The following ENTREP2 variants were observed in gnomAD, a reference collection of about 807,000 sequenced individuals.
ENTREP2 encodes the protein endosomal transmembrane epsin interactor 2, also known as protein ENTREP2.
the ENTREP2 span, among the ~76,000 whole-genome samples, chr15:29,593,881 C>A: frequency 6.6e-6 from 1 of 152,014 alleles, no homozygotes; most frequent in Non-Finnish European, 1.5e-5. Context: ...GCAAATGTGG[C>A]AGAATTGCAT....
chr15:29,455,669 C>A, the ENTREP2 span, among the ~76,000 whole-genome samples: 52 of 152,302 alleles, frequency 3.4e-4, no homozygotes, highest in African/African-American at 1.0e-3. Context: ...CCCCAGGCCA[C>A]CGACCAGTAT....
chr15:29,580,164 G>C, the ENTREP2 span, among the ~76,000 whole-genome samples: 1 of 152,008 alleles, frequency 6.6e-6, no homozygotes, highest in South Asian at 2.1e-4. Flanking sequence ...TGGTTTCTAA[G>C]CTTCTGGACA....
the ENTREP2 span, among the ~76,000 whole-genome samples, chr15:29,556,042 C>A: frequency 1.5e-4 from 23 of 152,136 alleles, no homozygotes; most frequent in African/African-American, 5.6e-4. Flanking sequence ...TCGCTTGAGC[C>A]CAGGAGTTTG....
chr15:29,585,628 C>T, the ENTREP2 span, among the ~76,000 whole-genome samples: 3 of 150,894 alleles, frequency 2.0e-5, no homozygotes, highest in East Asian at 2.0e-4. Context: ...AGGCCGAGGC[C>T]GGCAGATCAC....
the ENTREP2 span, among the ~76,000 whole-genome samples, chr15:29,611,666 C>G: frequency 2.6e-5 from 4 of 152,092 alleles, no homozygotes; most frequent in African/African-American, 9.7e-5. Flanking sequence ...CCCGATTTTC[C>G]TTCCAGTGTC....
chr15:29,410,778 C>T, the ENTREP2 span, among the ~76,000 whole-genome samples: 522 of 152,274 alleles, frequency 3.4e-3, 2 homozygotes, highest in Non-Finnish European at 5.5e-3. Context: ...TTTCGTTAGA[C>T]CACAGAACTT....
the ENTREP2 span, among the ~76,000 whole-genome samples, chr15:29,631,543 T>C: frequency 2.6e-5 from 4 of 152,244 alleles, no homozygotes; most frequent in Admixed American, 2.6e-4. Flanking sequence ...AATGCGTATG[T>C]ACATCTGCAT....
chr15:29,360,479 T>G, the ENTREP2 span, among the ~76,000 whole-genome samples: 4 of 152,230 alleles, frequency 2.6e-5, no homozygotes, highest in Non-Finnish European at 5.9e-5. Flanking sequence ...CTCCATTTCC[T>G]GTGAACTATA....
At chr15:29,292,436 A>AATGGC in the ENTREP2 span, among the ~76,000 whole-genome samples, 2,417 of 151,802 alleles carry the variant, frequency 0.016, 39 homozygotes, top group South Asian at 0.065. Flanking sequence ...GATGGAGTAC[A>AATGGC]ATGGCACGGT....
chr15:29,248,522 A>G, the ENTREP2 span, among the ~76,000 whole-genome samples: 1 of 152,166 alleles, frequency 6.6e-6, no homozygotes, highest in Non-Finnish European at 1.5e-5. Context: ...AACTGAGTAC[A>G]GAACACATAC....
the ENTREP2 span, among the ~76,000 whole-genome samples, chr15:29,306,640 A>G: frequency 6.8e-6 from 1 of 146,746 alleles, no homozygotes; most frequent in African/African-American, 2.5e-5. Flanking sequence ...AGTGTATCTA[A>G]GATATACTGA....
the ENTREP2 span, among the ~76,000 whole-genome samples, chr15:29,239,796 G>A: frequency 1.3e-5 from 2 of 152,240 alleles, no homozygotes; most frequent in South Asian, 2.1e-4. Context: ...GGCCAGCAAG[G>A]AAGAGCTCAC....
chr15:29,471,507 G>A, the ENTREP2 span, among the ~76,000 whole-genome samples: 2 of 152,068 alleles, frequency 1.3e-5, no homozygotes, highest in South Asian at 2.1e-4. Context: ...ATAACAGAGA[G>A]GCAGAACAGC....
the ENTREP2 span, among the ~76,000 whole-genome samples, chr15:29,462,154 A>G: frequency 7.2e-5 from 11 of 152,182 alleles, 1 homozygote; most frequent in African/African-American, 2.4e-4. Context: ...TCTTCCATCA[A>G]TGGACGCTTG....
chr15:29,651,411 G>A, the ENTREP2 span, among the ~76,000 whole-genome samples: 11 of 152,172 alleles, frequency 7.2e-5, no homozygotes, highest in South Asian at 2.1e-4. Context: ...TAGCAGAAGC[G>A]GCCCATCTAG....
chr15:29,338,722 A>G, the ENTREP2 span, among the ~76,000 whole-genome samples: 2 of 152,152 alleles, frequency 1.3e-5, no homozygotes, highest in Admixed American at 6.5e-5. Flanking sequence ...TTCAACACTC[A>G]TGAGGAGGGA....
At chr15:29,207,358 C>T in the ENTREP2 span, among the ~76,000 whole-genome samples, 328 of 146,414 alleles carry the variant, frequency 2.2e-3, no homozygotes, top group Middle Eastern at 0.029. Flanking sequence ...AAAGATTGCA[C>T]GAACCCAAAG....
At chr15:29,650,784 G>T in the ENTREP2 span, among the ~76,000 whole-genome samples, 224 of 152,112 alleles carry the variant, frequency 1.5e-3, no homozygotes, top group South Asian at 0.017. Context: ...TGAGGCAGGA[G>T]GATTGCTTGA....
At chr15:29,464,734 G>A in the ENTREP2 span, among the ~76,000 whole-genome samples, 1 of 152,162 alleles carries the variant, frequency 6.6e-6, no homozygotes, top group Non-Finnish European at 1.5e-5. Flanking sequence ...CCCTGGGCAG[G>A]GGGCAGCGAG....
Sources: gnomAD v4.1 joint callset for allele counts (sites outside exome capture counted in the v4.1 genomes callset) on GRCh38, gnomAD v4.1.1 for gene constraint, MANE v1.5 for transcripts, NCBI Gene and HGNC (gene_info 2026-07-23, HGNC 2026-07-21) for gene names.